Variants in LRP5 observed in about 807,000 individuals in gnomAD.
The protein encoded by LRP5 is low-density lipoprotein receptor-related protein 5.
A neutral mutation model predicts 154.1 loss-of-function variants in LRP5; 62 were observed. The ratio of observed to expected loss-of-function variants is 0.40; its 90% CI spans 0.33 to 0.50. LRP5 has a LOEUF of 0.50. Ranked by LOEUF, LRP5 falls within the 20% of genes least tolerant of loss-of-function variation. LRP5 has a pLI of 0.55. For synonymous variants in LRP5, 966 were observed against 1,011.5 expected (o/e 0.96, Z 0.85); for missense variants, 1,915 against 2,336.7 (o/e 0.82, Z 3.72).
intron 2 of LRP5, among the ~76,000 whole-genome samples, chr11:68,348,939 C>T (rs1013625119): frequency 1.3e-5 from 2 of 149,878 alleles, no homozygotes; most frequent in African/African-American, 2.5e-5. Flanking sequence ...GTGAGGAGAT[C>T]CTGTCTCAAA....
At position 68,438,535 on chromosome 11, in the gene LRP5, G is replaced by A. The variant is rs200552541; in HGVS notation, c.4201G>A (p.Gly1401Ser). 2.5e-6 allele frequency: 4 copies of A among 1,614,216 alleles called. No homozygotes were observed. The highest frequency in any genetic ancestry group is 1.6e-4 in the Middle Eastern group (1 of 6,062). ...CATCATCCTCTCTCTCTTCGTCATG[G>A]GTGGTGTCTATTTTGTGTGCCAGCG... ...IGIILSLFVM[G>S]GVYFVCQRVV... Residue 1401 changes from glycine (G) to serine (S), a missense_variant, in exon 20 of 23, where the codon GGT (glycine) becomes AGT (serine). Around this residue, in one of 3 missense-constraint regions of LRP5, gnomAD observed 1,094 missense variants for 1,210.1 expected, o/e 0.90. Transcript: ENST00000294304.
At position 68,441,648 on chromosome 11, in the gene LRP5, C is replaced by G. The variant is rs527826750; in HGVS notation, c.4488+1732C>G. ...GCCCCCGAGCACACAGCAGGCAGCT[C>G]ACGAATTCTCTTTTCCTGTTCTCCC... On this transcript the variant is annotated intron_variant, in intron 21 of 22. Coordinates refer to ENST00000294304, the MANE Select transcript of LRP5 (RefSeq NM_002335.4). Among the ~76,000 whole-genome samples the G allele has an allele frequency of 3.9e-5, 6 of 152,336 alleles. No individual in the cohort carries two copies. The South Asian group carries it at 1.2e-3, about 32-fold the overall frequency.
chr11:68,365,488 G>A (rs1296156873), intron 4 of LRP5, 83 bp from the exon 5 acceptor site: 1 of 1,603,322 alleles, frequency 6.2e-7, no homozygotes, highest in Admixed American at 1.7e-5. Context: ...CTGTCACGGG[G>A]GACGAGGCAG....
At position 68,403,639 on chromosome 11, in the gene LRP5, A is replaced by T; in HGVS notation, c.1741A>T (p.Ile581Phe). 1 of 1,614,180 alleles carries T rather than the reference A, an allele frequency of 6.2e-7. No homozygotes were observed. Among genetic ancestry groups the T allele is most frequent in the Non-Finnish European group, 8.5e-7 (1 of 1,180,046 alleles). The change falls in exon 8 of 23, where the codon ATC becomes TTC. Residue 581 changes from isoleucine (I) to phenylalanine (F), a missense_variant. This residue lies in a region of LRP5 where 773 missense variants were observed against 1,100.9 expected (regional missense o/e 0.70). Transcript: ENST00000294304. ...VHKVKASRDVIIDQLPDLMGL... is the reference protein window; with the variant it reads ...VHKVKASRDVFIDQLPDLMGL... ...CAAGGTCAAGGCCAGCCGGGACGTC[A>T]TCATTGACCAGCTGCCCGACCTGAT...
intron 1 of LRP5, among the ~76,000 whole-genome samples, chr11:68,314,128 G>T (rs1236388664): frequency 6.6e-6 from 1 of 152,180 alleles, no homozygotes; most frequent in African/African-American, 2.4e-5. Context: ...GGCCAGCGCC[G>T]CTCCTTTTTC....
Position 68,353,259 on chromosome 11 carries a change from C to A in LRP5, c.489-4391C>A, listed in dbSNP as rs1241607356. Among the ~76,000 whole-genome samples the A allele has an allele frequency of 6.6e-6, 1 of 152,170 alleles. No individual in the cohort carries two copies. Among genetic ancestry groups the A allele is most frequent in the Non-Finnish European group, 1.5e-5 (1 of 68,022 alleles). On this transcript the variant is annotated intron_variant, in intron 2 of 22. Transcript: ENST00000294304. The surrounding 1 kb of genome is among the most constrained non-coding windows in gnomAD (Gnocchi z 4.5). ...ACCCCTGCCCCTGGGGCAAAGTTGACCTTAGTGTTGATTCCTGGGCCTCTC... is the reference window on the plus strand; with the variant it reads ...ACCCCTGCCCCTGGGGCAAAGTTGAACTTAGTGTTGATTCCTGGGCCTCTC...
In LRP5 at chr11:68,430,856, T is replaced by C. The variant is rs548440435; in HGVS notation, c.3763+1156T>C. Among the ~76,000 whole-genome samples, 6 of 152,332 alleles carry C rather than the reference T, an allele frequency of 3.9e-5. No individual in the cohort carries two copies. The East Asian group carries it at 9.6e-4, about 24-fold the overall frequency. On this transcript the variant is annotated intron_variant, in intron 17 of 22. Transcript: ENST00000294304. ...GAGGCCAGGGTTCAAATCCTGGCTC[T>C]GTCACTTCCCAGTTGAGTGACCCTG...
At chr11:68,426,621 C>G (rs1591313876) in intron 16 of LRP5, among the ~76,000 whole-genome samples, 1 of 152,066 alleles carries the variant, frequency 6.6e-6, no homozygotes, top group Non-Finnish European at 1.5e-5. Flanking sequence ...CGGGGTTTCC[C>G]CATGTTGCCC....
Position 68,312,672 on chromosome 11 carries a change from GC to G in LRP5, c.-40del. On this transcript the variant is annotated 5_prime_UTR_variant, in exon 1 of 23. An upstream open reading frame in the 5' UTR loses its in-frame stop. Coordinates refer to ENST00000294304, the MANE Select transcript of LRP5 (RefSeq NM_002335.4). The stretch of plus-strand genomic sequence containing the variant: ...GGAGCCGCCGCCGCCGCGCCATGGA[GC>G]CCGAGTGAGCGCGGCGCGGGCCCGT... 1 of 905,698 alleles carries G rather than the reference GC, an allele frequency of 1.1e-6. No homozygotes were observed. The highest frequency in any genetic ancestry group is 1.1e-4 in the East Asian group (1 of 9,000). The allele number at this position is 905,698 out of a possible 1,614,324, so 56.1% of individuals were successfully genotyped here. A position where few individuals can be genotyped will look rare whatever the true frequency, so the allele number is the denominator to read the frequency against.
intron 10 of LRP5, among the ~76,000 whole-genome samples, 161 bp downstream of exon 10, chr11:68,410,301 A>G (rs2098658718): frequency 6.6e-6 from 1 of 152,194 alleles, no homozygotes; most frequent in South Asian, 2.1e-4. Flanking sequence ...TAGGGCCCTC[A>G]GAGGTCATGG....
chr11:68,442,604 G>A (rs996615655), intron 21 of LRP5, among the ~76,000 whole-genome samples: 3 of 152,208 alleles, frequency 2.0e-5, no homozygotes, highest in Non-Finnish European at 4.4e-5. Flanking sequence ...AAGCCCGAAA[G>A]ATAGCATCTG....
At chr11:68,351,141 A>G (rs1316435902) in intron 2 of LRP5, among the ~76,000 whole-genome samples, 1 of 152,136 alleles carries the variant, frequency 6.6e-6, no homozygotes, top group African/African-American at 2.4e-5. Context: ...TCGCCAAAGT[A>G]TTTTGAGTCC....
chr11:68,321,849 A>G (rs2098596937), intron 1 of LRP5, among the ~76,000 whole-genome samples: 1 of 152,160 alleles, frequency 6.6e-6, no homozygotes, highest in South Asian at 2.1e-4. Context: ...CAAAGCTCTC[A>G]GGAAATTGCT....
chr11:68,411,623 G>A lies in LRP5; in HGVS notation c.2503+3G>A, dbSNP rs1482667892. On this transcript the variant is annotated splice_donor_region_variant and intron_variant, in intron 11 of 22. Coordinates refer to ENST00000294304, the MANE Select transcript of LRP5 (RefSeq NM_002335.4). ...GATCGAGTCGTCCAACATGCTGGGT[G>A]AGGGCCGGGCTGGGGCCTTCTGGTC... 1 of 1,608,616 alleles carries A rather than the reference G, an allele frequency of 6.2e-7. No homozygotes were observed. Among genetic ancestry groups the A allele is most frequent in the Admixed American group, 1.7e-5 (1 of 59,966 alleles).
Position 68,389,512 on chromosome 11 carries a change from A to T in LRP5, c.1413-369A>T, listed in dbSNP as rs2098645111. 2.6e-5 allele frequency among the ~76,000 whole-genome samples: 4 copies of T among 152,000 alleles called. No individual in the cohort carries two copies. In the South Asian group the frequency reaches 8.3e-4, roughly 32 times the overall value. Reference sequence around the variant, plus strand: ...CCAACACCAGCATCTACCAACACCGACATTTACCAACACCAGCATTTACCA... The same window carrying T: ...CCAACACCAGCATCTACCAACACCGTCATTTACCAACACCAGCATTTACCA... On this transcript the variant is annotated intron_variant, in intron 6 of 22. Coordinates refer to ENST00000294304, the MANE Select transcript of LRP5 (RefSeq NM_002335.4).
intron 18 of LRP5, among the ~76,000 whole-genome samples, chr11:68,434,355 TTCA>T (rs2098673700): frequency 0.034 from 96 of 2,784 alleles, no homozygotes; most frequent in Admixed American, 0.074. Flanking sequence ...TTTTCTTTCA[TTCA>T]TTCATTCATT....
At position 68,423,753 on chromosome 11, in the gene LRP5, C is replaced by T; in HGVS notation, c.3236+56C>T. 6.5e-7 allele frequency: 1 copy of T among 1,531,674 alleles called. No individual in the cohort carries two copies. 94.9% of individuals were successfully genotyped at this position (1,531,674 alleles called of 1,614,324 possible). A position where few individuals can be genotyped will look rare whatever the true frequency, so the allele number is the denominator to read the frequency against. ...GCCCGTCCAGGCGTGCCCGCCGTGT[C>T]TTCTGCCGAATGCCAGCCTCTCACA... is the stretch of plus-strand genomic sequence containing the variant. On this transcript the variant is annotated intron_variant, in intron 14 of 22. Transcript: ENST00000294304. The surrounding 1 kb of genome is among the most constrained non-coding windows in gnomAD (Gnocchi z 4.7).
intron 16 of LRP5, 108 bp downstream of exon 16, chr11:68,426,295 C>A: frequency 1.1e-6 from 1 of 935,732 alleles, no homozygotes; most frequent in South Asian, 1.6e-5. Context: ...AGGCGGTGGT[C>A]TCTGCCAGAT....
intron 22 of LRP5, chr11:68,446,964 C>T (rs906592559): frequency 2.0e-5 from 6 of 299,818 alleles, no homozygotes; most frequent in Admixed American, 1.3e-4. Flanking sequence ...CAGCACCCAC[C>T]GTAGACCCCT....
Sources: gnomAD v4.1 joint callset for allele counts (sites outside exome capture counted in the v4.1 genomes callset) on GRCh38, gnomAD v4.1.1 for gene constraint, gnomAD v4.1.1 regional missense constraint, Gnocchi (gnomAD v3.1) non-coding constraint, MANE v1.5 for transcripts, NCBI Gene and HGNC (gene_info 2026-07-23, HGNC 2026-07-21) for gene names.